INTS7: variants seen among roughly 807,000 people sequenced by gnomAD.
INTS7 encodes the protein chromosome 1 open reading frame 73.
In INTS7, 46 loss-of-function variants were observed where a neutral mutation model predicts 109.2. The ratio of observed to expected loss-of-function variants is 0.42; its 90% CI spans 0.33 to 0.54. The LOEUF (loss-of-function observed/expected upper bound fraction) is 0.54. Among genes scored for constraint, INTS7 ranks in the 20% least tolerant of loss-of-function variants. The pLI is 0.07. For synonymous variants in INTS7, 412 were observed against 402.9 expected (o/e 1.02, Z -0.27); for missense variants, 929 against 1,132.4 (o/e 0.82, Z 2.58).
intron 7 of INTS7, among the ~76,000 whole-genome samples, chr1:211,997,504 C>T (rs1204979886): frequency 8.8e-6 from 1 of 114,052 alleles, no homozygotes; most frequent in African/African-American, 3.3e-5. Flanking sequence ...GCCTGGGCAA[C>T]AGAGTGAAAC....
intron 16 of INTS7, among the ~76,000 whole-genome samples, chr1:211,954,368 T>G (rs1394665814): frequency 1.3e-5 from 2 of 152,232 alleles, no homozygotes; most frequent in Non-Finnish European, 2.9e-5. Context: ...CTGATGGTAG[T>G]TTGTTTTGCT....
chr1:211,954,647 A>G (rs1663278699), intron 16 of INTS7, among the ~76,000 whole-genome samples: 1 of 152,248 alleles, frequency 6.6e-6, no homozygotes, highest in Non-Finnish European at 1.5e-5. Context: ...CATTTATTAA[A>G]TAGGGAATCC....
chr1:211,956,326 T>G (rs573669612), intron 16 of INTS7, among the ~76,000 whole-genome samples: 4 of 152,334 alleles, frequency 2.6e-5, no homozygotes, highest in African/African-American at 9.6e-5. Flanking sequence ...GACACTTTAG[T>G]TTTTCTTATT....
intron 11 of INTS7, 139 bp downstream of exon 11, chr1:211,978,133 T>C: frequency 1.0e-6 from 1 of 972,516 alleles, no homozygotes; most frequent in Non-Finnish European, 1.6e-6. Context: ...ATCAGCACAC[T>C]CTTTGGTCTT....
At chr1:211,972,135 A>G (rs2102415192) in intron 13 of INTS7, among the ~76,000 whole-genome samples, 1 of 152,194 alleles carries the variant, frequency 6.6e-6, no homozygotes, top group East Asian at 1.9e-4. Flanking sequence ...AGCATATAAG[A>G]ATTTTAAAAG....
intron 5 of INTS7, among the ~76,000 whole-genome samples, chr1:212,011,025 A>G (rs779272878): frequency 1.3e-5 from 2 of 152,086 alleles, no homozygotes; most frequent in African/African-American, 2.4e-5. Flanking sequence ...TCTCTGATCA[A>G]TATATATAAA....
At chr1:212,035,299 T>TC (rs34725659) in intron 1 of INTS7, 45 bp downstream of exon 1, 4 of 1,309,874 alleles carry the variant, frequency 3.1e-6, no homozygotes, top group African/African-American at 2.9e-5. Flanking sequence ...TGGCGCCACT[T>TC]CCCCCCACGC....
intron 16 of INTS7, among the ~76,000 whole-genome samples, chr1:211,957,028 G>A (rs545665121): frequency 7.9e-5 from 12 of 152,244 alleles, no homozygotes; most frequent in African/African-American, 1.7e-4. Flanking sequence ...CTGTATCATT[G>A]TGTATTCCCA....
intron 4 of INTS7, among the ~76,000 whole-genome samples, chr1:212,015,602 C>G (rs1288493227): frequency 6.7e-6 from 1 of 149,314 alleles, no homozygotes; most frequent in Non-Finnish European, 1.5e-5. Flanking sequence ...CTAGGAAAAC[C>G]ACAGACCCTT....
chr1:212,021,300 A>T (rs1263544427), intron 1 of INTS7, 88 bp from the exon 2 acceptor site: 1 of 1,096,260 alleles, frequency 9.1e-7, no homozygotes, highest in Non-Finnish European at 1.3e-6. Context: ...TTTACTAGAT[A>T]GTAAAGAAAT....
intron 16 of INTS7, 76 bp from the exon 17 acceptor site, chr1:211,952,777 C>T: frequency 8.2e-7 from 1 of 1,219,364 alleles, no homozygotes. Flanking sequence ...CAGGTACTTT[C>T]AACATATTTT....
At chr1:212,006,815 A>G in intron 6 of INTS7, 54 bp from the exon 7 acceptor site, 1 of 1,430,134 alleles carries the variant, frequency 7.0e-7, no homozygotes, top group Non-Finnish European at 9.6e-7. Flanking sequence ...AATGATCATT[A>G]GAAATGCAGT....
At chr1:212,030,337 G>A (rs1301426376) in intron 1 of INTS7, among the ~76,000 whole-genome samples, 3 of 150,612 alleles carry the variant, frequency 2.0e-5, no homozygotes. Flanking sequence ...CGCCCAGGCT[G>A]GAGTGCAATG....
intron 1 of INTS7, among the ~76,000 whole-genome samples, chr1:212,029,663 C>T (rs1667068324): frequency 6.6e-6 from 1 of 152,230 alleles, no homozygotes. Flanking sequence ...CTAACATCCA[C>T]TACAAAGAAC....
chr1:211,965,821 C>T (rs1452583297), intron 16 of INTS7, among the ~76,000 whole-genome samples: 6 of 151,944 alleles, frequency 3.9e-5, no homozygotes, highest in African/African-American at 1.4e-4. Context: ...AAAAGAGGAC[C>T]AGAAAAATAA....
chr1:211,946,454 C>T lies in INTS7; in HGVS notation c.2415+153G>A, dbSNP rs944459599. 2.6e-5 allele frequency among the ~76,000 whole-genome samples: 4 copies of T among 152,080 alleles called. No individual in the cohort carries two copies. Among genetic ancestry groups the T allele is most frequent in the African/African-American group, 7.2e-5 (3 of 41,412 alleles). On this transcript the variant is annotated intron_variant, in intron 18 of 19. Transcript: ENST00000366994. The surrounding 1 kb of genome is among the most constrained non-coding windows in gnomAD (Gnocchi z 4.3). ...TCACACCACTGTACTCCAGCCCAGGCGACAGGGCGAGACTCTGTCTCAAAA... is the reference window on the plus strand; with the variant it reads ...TCACACCACTGTACTCCAGCCCAGGTGACAGGGCGAGACTCTGTCTCAAAA...
chr1:211,944,986 C>CA lies in INTS7; in HGVS notation c.2416-18dup, dbSNP rs1255847834. 6.2e-7 allele frequency: 1 copy of CA among 1,610,396 alleles called. No individual in the cohort carries two copies. ...CAGAGCAAGCTGGAATGCCAACACT[C>CA]AAATAAATGCCAACAACCAAGAGCA... On this transcript the variant is annotated splice_polypyrimidine_tract_variant and intron_variant, in intron 18 of 19. Coordinates refer to ENST00000366994, the MANE Select transcript of INTS7 (RefSeq NM_015434.4).
intron 3 of INTS7, among the ~76,000 whole-genome samples, chr1:212,019,376 C>A (rs1050094681): frequency 6.6e-6 from 1 of 151,948 alleles, no homozygotes; most frequent in Non-Finnish European, 1.5e-5. Context: ...AAAGAAATGA[C>A]AAAAGCACTA....
rs929784768 is a variant in INTS7 at position 212,003,804 on chromosome 1, A to G, written c.879+2835T>C. Among the ~76,000 whole-genome samples, 3 of 152,212 alleles carry G rather than the reference A, an allele frequency of 2.0e-5. No individual in the cohort carries two copies. The South Asian group carries it at 6.2e-4, about 31-fold the overall frequency. On this transcript the variant is annotated intron_variant, in intron 7 of 19. Coordinates refer to ENST00000366994, the MANE Select transcript of INTS7 (RefSeq NM_015434.4). ...ATTTTCATTTCTAGGATAACAACTA[A>G]AAGAATATTTAACAAGACTGTATAC...
Sources: allele counts gnomAD v4.1 joint callset (sites outside exome capture counted in the v4.1 genomes callset), GRCh38; gene constraint gnomAD v4.1.1; non-coding constraint Gnocchi (gnomAD v3.1); transcripts MANE v1.5; gene names NCBI Gene and HGNC (gene_info 2026-07-23, HGNC 2026-07-21).